Variants in LAMA2 observed in about 807,000 individuals in gnomAD.
LAMA2 encodes the protein laminin subunit alpha 2.
LAMA2 carries 269 observed loss-of-function variants against 364.8 expected under a neutral mutation model. The observed-to-expected ratio is 0.74, with a 90% CI of 0.67 to 0.82. The LOEUF (loss-of-function observed/expected upper bound fraction) is 0.82, where lower values mean the gene tolerates loss of function less well. LAMA2 is among the 40% of genes least tolerant of loss of function. The probability of loss-of-function intolerance (pLI) is 0.00; values close to 1 mark genes in which losing one functional copy is unlikely to be tolerated. For missense variants in LAMA2, 3,807 were observed against 3,873.2 expected, an observed-to-expected ratio of 0.98 and a Z score of 0.45; for synonymous variants, 1,379 against 1,370.6, an observed-to-expected ratio of 1.01 and a Z score of -0.14.
chr6:129,061,315 T>G (rs1354125391), intron 3 of LAMA2, among the ~76,000 whole-genome samples: 1 of 152,212 alleles, frequency 6.6e-6, no homozygotes, highest in Non-Finnish European at 1.5e-5. Context: ...GCTTTATTGT[T>G]CTGGTTTATT....
At chr6:129,355,601 G>C (rs767377577) in intron 32 of LAMA2, among the ~76,000 whole-genome samples, 11 of 152,124 alleles carry the variant, frequency 7.2e-5, no homozygotes. Context: ...CATAAGGCCT[G>C]GGGGTGAGAG....
At chr6:129,372,602 T>C (rs1583597162) in intron 34 of LAMA2, among the ~76,000 whole-genome samples, 2 of 152,238 alleles carry the variant, frequency 1.3e-5, no homozygotes, top group East Asian at 3.8e-4. Context: ...CAAGTTGCTG[T>C]AAACATCTTT....
At chr6:128,981,231 T>C (rs1243604327) in intron 1 of LAMA2, among the ~76,000 whole-genome samples, 1 of 152,174 alleles carries the variant, frequency 6.6e-6, no homozygotes, top group Non-Finnish European at 1.5e-5. Context: ...GACTATCCTA[T>C]TTTAAGATCA....
chr6:129,508,387 T>A (rs1786279990), intron 62 of LAMA2, among the ~76,000 whole-genome samples: 1 of 151,390 alleles, frequency 6.6e-6, no homozygotes, highest in Non-Finnish European at 1.5e-5. Context: ...AATCTGATTA[T>A]ACTCTTTTAG....
intron 4 of LAMA2, among the ~76,000 whole-genome samples, chr6:129,135,952 G>A (rs74535612): frequency 0.012 from 1,871 of 151,912 alleles, 16 homozygotes; most frequent in Non-Finnish European, 0.02. Context: ...TTTCAACTTC[G>A]AGTACTTTTT....
At chr6:129,354,874 T>G (rs964502584) in intron 32 of LAMA2, among the ~76,000 whole-genome samples, 9 of 152,330 alleles carry the variant, frequency 5.9e-5, no homozygotes, top group Admixed American at 5.9e-4. Context: ...AAATCGTAAT[T>G]CATCTTTTCC....
intron 1 of LAMA2, among the ~76,000 whole-genome samples, chr6:128,988,970 G>T (rs1783439415): frequency 1.3e-5 from 2 of 152,034 alleles, no homozygotes; most frequent in Non-Finnish European, 2.9e-5. Flanking sequence ...AGGATTATTT[G>T]TCTTCAAGAA....
chr6:129,355,635 C>A (rs2114598558), intron 32 of LAMA2, among the ~76,000 whole-genome samples: 1 of 152,150 alleles, frequency 6.6e-6, no homozygotes, highest in East Asian at 1.9e-4. Context: ...TTGGCTCTAG[C>A]AAGAGAATTT....
At chr6:129,283,867 T>A (rs914735569) in intron 18 of LAMA2, among the ~76,000 whole-genome samples, 2 of 151,874 alleles carry the variant, frequency 1.3e-5, no homozygotes, top group African/African-American at 2.4e-5. Context: ...GCTACAGAAA[T>A]AACAGAGGAG....
chr6:128,912,009 A>T (rs6909374), intron 1 of LAMA2, among the ~76,000 whole-genome samples: 33,725 of 152,090 alleles, frequency 0.22, 5,603 homozygotes, highest in African/African-American at 0.47. Context: ...TTTTCCGTTG[A>T]ATGAATGTAC....
At chr6:129,279,917 C>A (rs265369) in intron 17 of LAMA2, 144 bp from the exon 18 acceptor site, 26,315 of 716,934 alleles carry the variant, frequency 0.037, 628 homozygotes, top group East Asian at 0.074. Context: ...TTGGCCAGAC[C>A]CTAATCTCTG....
rs1426977607 is a variant in LAMA2 at position 129,446,514 on chromosome 6, A to AGAGGGGAGCG, written c.6429+701_6429+702insCGGAGGGGAG. 8.1e-3 allele frequency among the ~76,000 whole-genome samples: 413 copies of AGAGGGGAGCG among 50,948 alleles called. 22 individuals carry two copies. Among genetic ancestry groups the AGAGGGGAGCG allele is most frequent in the African/African-American group, 0.035 (393 of 11,248 alleles). 33.4% of individuals were successfully genotyped at this position (50,948 alleles called of 152,430 possible). A position where few individuals can be genotyped will look rare whatever the true frequency, so the allele number is the denominator to read the frequency against. On this transcript the variant is annotated intron_variant, in intron 45 of 64. Transcript: ENST00000421865. Reference sequence around the variant, plus strand: ...AGGAAGGAAGTAAGGGAAGGGGAGGAGAGGGGAGGGGAGGGGAGGGGAGGC... The same window carrying AGAGGGGAGCG: ...AGGAAGGAAGTAAGGGAAGGGGAGGAGAGGGGAGCGGAGGGGAGGGGAGGGGAGGGGAGGC...
At chr6:129,310,707 C>T (rs763222534) in intron 22 of LAMA2, among the ~76,000 whole-genome samples, 1 of 151,964 alleles carries the variant, frequency 6.6e-6, no homozygotes, top group Admixed American at 6.6e-5. Flanking sequence ...AGTACAGGTA[C>T]AGAAGAGCAG....
intron 1 of LAMA2, among the ~76,000 whole-genome samples, chr6:129,047,965 G>A (rs1787648346): frequency 6.6e-6 from 1 of 152,078 alleles, no homozygotes; most frequent in Non-Finnish European, 1.5e-5. Context: ...ATAGACTCTG[G>A]AGCCAGATTG....
chr6:129,491,508 A>G (rs1784860938), intron 56 of LAMA2, among the ~76,000 whole-genome samples: 1 of 152,206 alleles, frequency 6.6e-6, no homozygotes, highest in African/African-American at 2.4e-5. Context: ...TTCCCTAGCA[A>G]GAAGATAATA....
chr6:129,334,700 G>T (rs1244046852), intron 29 of LAMA2, among the ~76,000 whole-genome samples: 1 of 152,198 alleles, frequency 6.6e-6, no homozygotes, highest in African/African-American at 2.4e-5. Flanking sequence ...AGGCTGGGAA[G>T]TCCAAGATCA....
At chr6:128,931,894 T>C (rs966318312) in intron 1 of LAMA2, among the ~76,000 whole-genome samples, 6 of 152,228 alleles carry the variant, frequency 3.9e-5, no homozygotes, top group Non-Finnish European at 7.3e-5. Flanking sequence ...TCTTATTCTT[T>C]TAATTTAACT....
intron 1 of LAMA2, among the ~76,000 whole-genome samples, chr6:128,983,891 A>G (rs9492176): frequency 0.14 from 21,951 of 152,186 alleles, 1,691 homozygotes; most frequent in Middle Eastern, 0.21. Context: ...TATTGGAGAA[A>G]CTGAATTTCA....
chr6:129,498,141 C>T (rs764239215), intron 58 of LAMA2, among the ~76,000 whole-genome samples: 47 of 152,276 alleles, frequency 3.1e-4, no homozygotes, highest in East Asian at 5.8e-4. Context: ...TGGCTGCATT[C>T]TTTTACTTGA....
Sources: gnomAD v4.1 joint callset for allele counts (sites outside exome capture counted in the v4.1 genomes callset) on GRCh38, gnomAD v4.1.1 for gene constraint, MANE v1.5 for transcripts, NCBI Gene and HGNC (gene_info 2026-07-23, HGNC 2026-07-21) for gene names.